The following GPC5 variants were observed in gnomAD, a reference collection of about 807,000 sequenced individuals.
The protein encoded by GPC5 is glypican 5, also known as glypican-5.
Under a neutral mutation model 53.9 loss-of-function variants are expected in GPC5, and 47 were observed. The observed-to-expected ratio is 0.87, with a 90% CI of 0.69 to 1.11. The LOEUF (loss-of-function observed/expected upper bound fraction) is 1.11. GPC5 is among the 50% of genes most tolerant of loss of function. The pLI is 0.00. For missense variants in GPC5, 748 were observed against 713.1 expected (o/e 1.05, Z -0.56); for synonymous variants, 286 against 263.3 (o/e 1.09, Z -0.84).
At chr13:91,597,580 A>G (rs561899090) in intron 2 of GPC5, among the ~76,000 whole-genome samples, 7 of 152,292 alleles carry the variant, frequency 4.6e-5, no homozygotes, top group African/African-American at 1.4e-4. Context: ...TCCTTGAAAT[A>G]TAGACCCATT....
intron 7 of GPC5, among the ~76,000 whole-genome samples, chr13:92,751,303 TAAAAAAAAAAAAAAAAAAA>T (rs71123435): frequency 7.7e-5 from 3 of 38,778 alleles, no homozygotes; most frequent in African/African-American, 2.5e-4. Flanking sequence ...CAGAAACATT[TAAAAAAAAAAAAAAAAAAA>T]AAAAAAAAAA....
chr13:92,347,896 TATATA>T lies in GPC5; in HGVS notation c.1561+202913_1561+202917del, dbSNP rs2043434986. Among the ~76,000 whole-genome samples the T allele has an allele frequency of 2.5e-4, 3 of 12,014 alleles. 1 individual carries two copies. The highest frequency in any genetic ancestry group is 6.1e-3 in the South Asian group (2 of 326). The allele number at this position is 12,014 out of a possible 152,430, so 7.9% of individuals were successfully genotyped here. A position where few individuals can be genotyped will look rare whatever the true frequency, so the allele number is the denominator to read the frequency against. On this transcript the variant is annotated intron_variant, in intron 7 of 7. Coordinates refer to ENST00000377067, the MANE Select transcript of GPC5 (RefSeq NM_004466.6). ...TATAATATATATTATATATATTATA[TATATA>T]ATATATATATAATATATATATATTA... is the stretch of plus-strand genomic sequence containing the variant.
chr13:92,751,823 T>C (rs773923700), intron 7 of GPC5, among the ~76,000 whole-genome samples: 14 of 152,124 alleles, frequency 9.2e-5, no homozygotes, highest in Non-Finnish European at 1.8e-4. Flanking sequence ...TGCAGCCCCA[T>C]AGTTAAGTCA....
chr13:92,862,247 A>G (rs959636461), intron 7 of GPC5, among the ~76,000 whole-genome samples: 3 of 152,318 alleles, frequency 2.0e-5, no homozygotes, highest in African/African-American at 7.2e-5. Flanking sequence ...ATAAGGGGAA[A>G]TAATTATATC....
chr13:92,435,767 C>G (rs1877281805), intron 7 of GPC5, among the ~76,000 whole-genome samples: 1 of 152,140 alleles, frequency 6.6e-6, no homozygotes, highest in Non-Finnish European at 1.5e-5. Flanking sequence ...CGTTTGTGCT[C>G]ATGGACACAG....
chr13:91,733,477 A>C (rs138122363), intron 4 of GPC5, among the ~76,000 whole-genome samples: 4 of 152,050 alleles, frequency 2.6e-5, no homozygotes, highest in Admixed American at 2.6e-4. Flanking sequence ...ATGTTTTTCC[A>C]TTTGTTTTTG....
At chr13:91,448,410 T>G (rs1448484986) in intron 1 of GPC5, among the ~76,000 whole-genome samples, 2 of 152,224 alleles carry the variant, frequency 1.3e-5, no homozygotes, top group Non-Finnish European at 2.9e-5. Context: ...AACATATTTC[T>G]TTCAAGCAAT....
At chr13:91,741,553 T>C (rs2036934467) in intron 4 of GPC5, among the ~76,000 whole-genome samples, 1 of 152,210 alleles carries the variant, frequency 6.6e-6, no homozygotes, top group South Asian at 2.1e-4. Flanking sequence ...CTTAATGTTA[T>C]TTAAGATTAT....
At chr13:92,397,859 A>G (rs1487072128) in intron 7 of GPC5, among the ~76,000 whole-genome samples, 1 of 152,194 alleles carries the variant, frequency 6.6e-6, no homozygotes, top group Non-Finnish European at 1.5e-5. Flanking sequence ...GTTGAAAGAT[A>G]TTATTCTATT....
chr13:92,804,067 T>C (rs1877007753), intron 7 of GPC5, among the ~76,000 whole-genome samples: 1 of 151,996 alleles, frequency 6.6e-6, no homozygotes. Context: ...AGATTTTCTC[T>C]AATCCACAGG....
intron 6 of GPC5, among the ~76,000 whole-genome samples, chr13:92,136,670 T>A (rs1373337848): frequency 6.6e-6 from 1 of 152,224 alleles, no homozygotes; most frequent in Admixed American, 6.5e-5. Context: ...TTATGTATAC[T>A]GTCTTAAAGC....
intron 7 of GPC5, among the ~76,000 whole-genome samples, chr13:92,676,485 C>G (rs1266228855): frequency 6.6e-6 from 1 of 152,036 alleles, no homozygotes; most frequent in South Asian, 2.1e-4. Context: ...AATTCTTTTT[C>G]AAGATTTCTT....
intron 7 of GPC5, among the ~76,000 whole-genome samples, chr13:92,179,459 A>G (rs1299664513): frequency 1.3e-5 from 2 of 152,236 alleles, no homozygotes; most frequent in Admixed American, 1.3e-4. Flanking sequence ...TAGGTTCAAC[A>G]GCTAGGCTCT....
intron 6 of GPC5, among the ~76,000 whole-genome samples, chr13:91,965,407 T>C (rs1289244010): frequency 6.6e-6 from 1 of 152,170 alleles, no homozygotes; most frequent in Non-Finnish European, 1.5e-5. Flanking sequence ...TTATCTGCTG[T>C]ACCATGATAT....
chr13:91,697,491 G>A (rs2035904246), intron 3 of GPC5, among the ~76,000 whole-genome samples: 1 of 152,108 alleles, frequency 6.6e-6, no homozygotes, highest in South Asian at 2.1e-4. Flanking sequence ...TCTTAGGGGT[G>A]TAGAGCTCAA....
intron 7 of GPC5, among the ~76,000 whole-genome samples, chr13:92,629,064 G>T (rs1885151011): frequency 6.6e-6 from 1 of 152,150 alleles, no homozygotes; most frequent in African/African-American, 2.4e-5. Flanking sequence ...AATGGCTTTT[G>T]CTTCCACAGT....
At chr13:91,557,273 T>C (rs922705587) in intron 2 of GPC5, among the ~76,000 whole-genome samples, 1 of 152,170 alleles carries the variant, frequency 6.6e-6, no homozygotes, top group African/African-American at 2.4e-5. Context: ...TATTGCATTG[T>C]GCCTTTACTT....
At chr13:92,309,428 C>T (rs376124597) in intron 7 of GPC5, among the ~76,000 whole-genome samples, 6 of 151,896 alleles carry the variant, frequency 4.0e-5, no homozygotes, top group East Asian at 1.9e-4. Flanking sequence ...ATAAGACTAG[C>T]GAAATTTGAA....
intron 7 of GPC5, among the ~76,000 whole-genome samples, chr13:92,235,563 G>A (rs1294119786): frequency 4.6e-5 from 7 of 152,076 alleles, no homozygotes; most frequent in African/African-American, 7.2e-5. Context: ...GATGGTGTTC[G>A]ATTTAGAGAA....
Sources: allele counts gnomAD v4.1 joint callset (sites outside exome capture counted in the v4.1 genomes callset), GRCh38; gene constraint gnomAD v4.1.1; transcripts MANE v1.5; gene names NCBI Gene and HGNC (gene_info 2026-07-23, HGNC 2026-07-21).